Variants in HS6ST3 observed in about 807,000 individuals in gnomAD.
The protein encoded by HS6ST3 is heparan-sulfate 6-O-sulfotransferase 3.
HS6ST3 carries 12 observed loss-of-function variants against 36.7 expected under a neutral mutation model. That is an observed-to-expected ratio of 0.33 (90% CI 0.21 to 0.53). The LOEUF is 0.53. Ranked by LOEUF, HS6ST3 falls within the 20% of genes least tolerant of loss-of-function variation. The pLI is 0.95. For synonymous variants in HS6ST3, 240 were observed against 257.5 expected, an observed-to-expected ratio of 0.93 and a Z score of 0.65; for missense variants, 584 against 640.9, an observed-to-expected ratio of 0.91 and a Z score of 0.96.
At chr13:96,254,451 AT>A (rs2054625164) in intron 1 of HS6ST3, among the ~76,000 whole-genome samples, 3 of 3,378 alleles carry the variant, frequency 8.9e-4, no homozygotes, top group Non-Finnish European at 1.1e-3. Flanking sequence ...AAAAAAAAAT[AT>A]ATATATATAT....
chr13:96,245,761 A>G (rs1363490177), intron 1 of HS6ST3, among the ~76,000 whole-genome samples: 1 of 152,230 alleles, frequency 6.6e-6, no homozygotes, highest in South Asian at 2.1e-4. Flanking sequence ...ATTTTTTCCC[A>G]TGAAATCTAC....
At chr13:96,226,805 T>C (rs1251583812) in intron 1 of HS6ST3, among the ~76,000 whole-genome samples, 1 of 152,156 alleles carries the variant, frequency 6.6e-6, no homozygotes, top group African/African-American at 2.4e-5. Flanking sequence ...TAAAGTGAAA[T>C]ATTAAACCAA....
chr13:96,605,015 G>C (rs890277576), intron 1 of HS6ST3, among the ~76,000 whole-genome samples: 1 of 152,108 alleles, frequency 6.6e-6, no homozygotes, highest in African/African-American at 2.4e-5. Context: ...AAGGGAAGGG[G>C]CTTTAAAATA....
At chr13:96,147,652 G>C (rs1043730974) in intron 1 of HS6ST3, among the ~76,000 whole-genome samples, 12 of 152,218 alleles carry the variant, frequency 7.9e-5, no homozygotes, top group African/African-American at 2.9e-4. Flanking sequence ...GTCTGAGTGA[G>C]TGTGAGTGCA....
chr13:96,542,510 G>C (rs952474199), intron 1 of HS6ST3, among the ~76,000 whole-genome samples: 1 of 151,966 alleles, frequency 6.6e-6, no homozygotes, highest in African/African-American at 2.4e-5. Context: ...ACCTTTTCTG[G>C]CATATTTGGG....
At chr13:96,276,855 G>T (rs1020991466) in intron 1 of HS6ST3, among the ~76,000 whole-genome samples, 6 of 152,144 alleles carry the variant, frequency 3.9e-5, no homozygotes, top group Admixed American at 3.3e-4. Context: ...CCTGCATTTT[G>T]AAAAGCACCA....
chr13:96,646,296 T>G (rs983793512), intron 1 of HS6ST3, among the ~76,000 whole-genome samples: 1 of 152,046 alleles, frequency 6.6e-6, no homozygotes, highest in Non-Finnish European at 1.5e-5. Context: ...CTTACCCTTT[T>G]CATACTTTGC....
At chr13:96,142,923 T>G (rs1160211438) in intron 1 of HS6ST3, among the ~76,000 whole-genome samples, 2 of 151,992 alleles carry the variant, frequency 1.3e-5, no homozygotes, top group Non-Finnish European at 2.9e-5. Context: ...TATTTCAGAG[T>G]TAAAGTGCTG....
At chr13:96,516,227 AT>A (rs929149209) in intron 1 of HS6ST3, among the ~76,000 whole-genome samples, 8 of 151,272 alleles carry the variant, frequency 5.3e-5, no homozygotes, top group Non-Finnish European at 1.0e-4. Context: ...ATGCCTAGCT[AT>A]TTTTTTTCTG....
intron 1 of HS6ST3, among the ~76,000 whole-genome samples, chr13:96,511,250 AT>A (rs1361519138): frequency 6.6e-6 from 1 of 151,954 alleles, no homozygotes; most frequent in South Asian, 2.1e-4. Context: ...CTGAGTGAAA[AT>A]TTTTTTTAGG....
chr13:96,390,405 C>T (rs1232988007), intron 1 of HS6ST3, among the ~76,000 whole-genome samples: 1 of 152,120 alleles, frequency 6.6e-6, no homozygotes, highest in Non-Finnish European at 1.5e-5. Flanking sequence ...CTGAGTGCTG[C>T]TTTGTCTCCT....
chr13:96,643,155 A>G (rs2139007907), intron 1 of HS6ST3, among the ~76,000 whole-genome samples: 1 of 152,040 alleles, frequency 6.6e-6, no homozygotes, highest in African/African-American at 2.4e-5. Flanking sequence ...CTGCTAGGTG[A>G]CCTTAGTGGT....
At chr13:96,106,594 A>G (rs533004471) in intron 1 of HS6ST3, among the ~76,000 whole-genome samples, 1 of 152,324 alleles carries the variant, frequency 6.6e-6, no homozygotes, top group African/African-American at 2.4e-5. Context: ...TTTTAAGAAG[A>G]TAAGAGACAA....
chr13:96,519,256 C>G (rs1287887283), intron 1 of HS6ST3, among the ~76,000 whole-genome samples: 1 of 152,180 alleles, frequency 6.6e-6, no homozygotes, highest in Non-Finnish European at 1.5e-5. Context: ...CTGATTGACT[C>G]TAACATTTTC....
intron 1 of HS6ST3, among the ~76,000 whole-genome samples, chr13:96,352,542 T>G (rs927710): frequency 0.38 from 58,289 of 151,942 alleles, 11,603 homozygotes; most frequent in African/African-American, 0.48. Context: ...TGGCCTAGTT[T>G]TGAATGCCAC....
At chr13:96,535,072 C>T (rs1487726909) in intron 1 of HS6ST3, among the ~76,000 whole-genome samples, 14 of 152,156 alleles carry the variant, frequency 9.2e-5, no homozygotes, top group Admixed American at 9.2e-4. Context: ...GGGAACATAT[C>T]TAGGCCTTGG....
chr13:96,424,157 G>T (rs1808610109), intron 1 of HS6ST3, among the ~76,000 whole-genome samples: 1 of 152,016 alleles, frequency 6.6e-6, no homozygotes, highest in African/African-American at 2.4e-5. Context: ...TTTTGCCACA[G>T]TTGACATCAC....
rs1309867229 is a variant in HS6ST3, at chr13:96,836,865, A to G, written c.*3667A>G. On this transcript the variant is annotated 3_prime_UTR_variant, in exon 2 of 2. Transcript: ENST00000376705. ...CAGCTCTGGTGTGTGATGTTACCAG[A>G]CGCCTAGGCCCTCTCCTGTTGCTCT... 6.6e-6 allele frequency: 1 copy of G among 152,226 alleles called. No individual in the cohort carries two copies. The highest frequency in any genetic ancestry group is 1.9e-4 in the East Asian group (1 of 5,200). 9.4% of individuals were successfully genotyped at this position (152,226 alleles called of 1,614,324 possible).
chr13:96,683,999 A>G (rs569479423), intron 1 of HS6ST3, among the ~76,000 whole-genome samples: 2 of 152,180 alleles, frequency 1.3e-5, no homozygotes, highest in East Asian at 3.9e-4. Context: ...GAGCTAAGTC[A>G]CTTTCTACAA....
Sources: allele counts gnomAD v4.1 joint callset (sites outside exome capture counted in the v4.1 genomes callset), GRCh38; gene constraint gnomAD v4.1.1; transcripts MANE v1.5; gene names NCBI Gene and HGNC (gene_info 2026-07-23, HGNC 2026-07-21).